POFUT3: variants seen among roughly 807,000 people sequenced by gnomAD.
The protein encoded by POFUT3 is protein O-fucosyltransferase 3.
the POFUT3 span, among the ~76,000 whole-genome samples, chr8:33,451,091 TACACATAC>T: frequency 2.6e-5 from 4 of 151,320 alleles, no homozygotes; most frequent in Non-Finnish European, 5.9e-5. Context: ...TGTGTGTGTG[TACACATAC>T]ATGTACATAC....
At chr8:33,390,099 G>A in the POFUT3 span, among the ~76,000 whole-genome samples, 1 of 152,186 alleles carries the variant, frequency 6.6e-6, no homozygotes, top group African/African-American at 2.4e-5. Context: ...GGGAAGCTGA[G>A]GCAGGAGAAT....
chr8:33,322,141 G>A, the POFUT3 span, among the ~76,000 whole-genome samples: 3 of 152,034 alleles, frequency 2.0e-5, no homozygotes, highest in African/African-American at 7.2e-5. Context: ...TGAGTTCTTG[G>A]TCTTCGTCTT....
the POFUT3 span, among the ~76,000 whole-genome samples, chr8:33,330,065 G>C: frequency 2.0e-5 from 3 of 152,124 alleles, no homozygotes; most frequent in African/African-American, 4.8e-5. Context: ...AGGCAAGTTG[G>C]AAAAGGGGAA....
the POFUT3 span, among the ~76,000 whole-genome samples, chr8:33,351,021 G>T: frequency 6.6e-6 from 1 of 152,110 alleles, no homozygotes; most frequent in African/African-American, 2.4e-5. Flanking sequence ...TGTTGCCCAG[G>T]CTGGAGTGCA....
the POFUT3 span, among the ~76,000 whole-genome samples, chr8:33,367,215 T>G: frequency 6.6e-6 from 1 of 152,346 alleles, no homozygotes; most frequent in South Asian, 2.1e-4. Flanking sequence ...ACGCCCACGC[T>G]GGAAGGTGGT....
the POFUT3 span, among the ~76,000 whole-genome samples, chr8:33,407,135 T>C: frequency 1.3e-5 from 2 of 152,180 alleles, no homozygotes; most frequent in African/African-American, 4.8e-5. Context: ...GAAAATTATG[T>C]GGCACAGTAA....
the POFUT3 span, among the ~76,000 whole-genome samples, chr8:33,327,727 G>T: frequency 5.3e-5 from 8 of 152,312 alleles, no homozygotes; most frequent in East Asian, 1.5e-3. Flanking sequence ...GGAAAACACT[G>T]CACAAATTCT....
chr8:33,392,180 C>T, the POFUT3 span, among the ~76,000 whole-genome samples: 3 of 152,156 alleles, frequency 2.0e-5, no homozygotes, highest in Non-Finnish European at 2.9e-5. Context: ...CCACACAAAA[C>T]ACAACCACAC....
At chr8:33,315,658 A>G in the POFUT3 span, among the ~76,000 whole-genome samples, 2 of 152,122 alleles carry the variant, frequency 1.3e-5, no homozygotes, top group African/African-American at 2.4e-5. Context: ...AGACAGAGAT[A>G]GTTGGGATAA....
At chr8:33,353,422 A>G in the POFUT3 span, among the ~76,000 whole-genome samples, 1 of 152,184 alleles carries the variant, frequency 6.6e-6, no homozygotes, top group Admixed American at 6.5e-5. Context: ...GTCTTTTCCA[A>G]GGTCATCCTA....
At chr8:33,436,450 T>C in the POFUT3 span, 1 of 1,438,218 alleles carries the variant, frequency 7.0e-7, no homozygotes, top group East Asian at 2.3e-5. Flanking sequence ...GGGACTGATG[T>C]TGCCCACATG....
the POFUT3 span, among the ~76,000 whole-genome samples, chr8:33,342,315 C>CT: frequency 6.6e-6 from 1 of 152,056 alleles, no homozygotes; most frequent in African/African-American, 2.4e-5. Context: ...TGTGTTTGTA[C>CT]CACTGCACTC....
the POFUT3 span, among the ~76,000 whole-genome samples, chr8:33,357,203 G>T: frequency 6.6e-6 from 1 of 152,156 alleles, no homozygotes; most frequent in African/African-American, 2.4e-5. Context: ...TTCCAATTCT[G>T]TGAAGAAAGT....
At chr8:33,444,652 T>C in the POFUT3 span, among the ~76,000 whole-genome samples, 6 of 151,902 alleles carry the variant, frequency 3.9e-5, no homozygotes, top group African/African-American at 1.5e-4. Flanking sequence ...ACACCGTCTT[T>C]ACTAAAAATA....
chr8:33,309,138 TAAAAAAAAAAA>T, the POFUT3 span, among the ~76,000 whole-genome samples: 73 of 41,550 alleles, frequency 1.8e-3, 2 homozygotes, highest in African/African-American at 3.1e-3. Context: ...CTGGGGAGTG[TAAAAAAAAAAA>T]AAAAAAAAAA....
At chr8:33,394,334 C>G in the POFUT3 span, 3 of 158,516 alleles carry the variant, frequency 1.9e-5, no homozygotes, top group African/African-American at 7.2e-5. Flanking sequence ...CTCAAACCTT[C>G]CCATCCATCC....
chr8:33,324,080 T>A, the POFUT3 span, among the ~76,000 whole-genome samples: 2 of 152,138 alleles, frequency 1.3e-5, no homozygotes, highest in Non-Finnish European at 1.5e-5. Flanking sequence ...TTTTTCAACA[T>A]GTGATGTCCA....
At chr8:33,442,303 G>C in the POFUT3 span, among the ~76,000 whole-genome samples, 3 of 99,156 alleles carry the variant, frequency 3.0e-5, no homozygotes, top group Admixed American at 1.0e-4. Context: ...TTTTTTTTGG[G>C]GGGGGACAGA....
chr8:33,371,509 T>C, the POFUT3 span: 1 of 152,140 alleles, frequency 6.6e-6, no homozygotes, highest in Middle Eastern at 3.2e-3. Context: ...CTTTCCATGA[T>C]GAAGAATGGA....
Sources: allele counts gnomAD v4.1 joint callset (sites outside exome capture counted in the v4.1 genomes callset), GRCh38; gene constraint gnomAD v4.1.1; transcripts MANE v1.5; gene names NCBI Gene and HGNC (gene_info 2026-07-23, HGNC 2026-07-21).